The following LRRC36 variants were observed in gnomAD, a reference collection of about 807,000 sequenced individuals.
The protein encoded by LRRC36 is leucine-rich repeat-containing protein 36.
Under a neutral mutation model 81.1 loss-of-function variants are expected in LRRC36, and 62 were observed. The ratio of observed to expected loss-of-function variants is 0.76; its 90% CI spans 0.62 to 0.94. The LOEUF is 0.94. LRRC36 is among the 40% of genes least tolerant of loss of function. The probability of loss-of-function intolerance (pLI) is 0.00; values close to 1 mark genes in which losing one functional copy is unlikely to be tolerated. For missense variants in LRRC36, 761 were observed against 881.7 expected (o/e 0.86, Z 1.73); for synonymous variants, 334 against 348.6 (o/e 0.96, Z 0.47).
chr16:67,357,100 A>T (rs1342357473), intron 5 of LRRC36, among the ~76,000 whole-genome samples: 2 of 152,228 alleles, frequency 1.3e-5, no homozygotes, highest in African/African-American at 4.8e-5. Context: ...CAGATGAGGA[A>T]GCACAGATTG....
In LRRC36 at chr16:67,385,038, T is replaced by G; in HGVS notation, c.2214T>G (p.Gly738=). ...SSSSPVAHET[G]QYLIQSVLDA... is the part of the protein sequence containing the mutation. ...CCTCACCAGTGGCACATGAGACTGG[T>G]CAGTATCTAATACAGAGCGTCTTGG... The change falls in exon 14 of 14, where the codon GGT becomes GGG. Residue 738 remains glycine (G), a synonymous_variant. Coordinates refer to ENST00000329956, the MANE Select transcript of LRRC36 (RefSeq NM_018296.6). 6.2e-7 allele frequency: 1 copy of G among 1,614,162 alleles called. No individual in the cohort carries two copies. The highest frequency in any genetic ancestry group is 8.5e-7 in the Non-Finnish European group (1 of 1,180,032).
At chr16:67,327,094 G>A (rs1053646566) in intron 1 of LRRC36, 162 bp downstream of exon 1, 5 of 617,890 alleles carry the variant, frequency 8.1e-6, no homozygotes, top group Non-Finnish European at 1.3e-5. Flanking sequence ...CAGAAGGTTA[G>A]AGGGAGGTGG....
chr16:67,329,302 T>C (rs1361789542), intron 1 of LRRC36, among the ~76,000 whole-genome samples: 1 of 152,122 alleles, frequency 6.6e-6, no homozygotes, highest in Non-Finnish European at 1.5e-5. Flanking sequence ...GGTTTTGTTT[T>C]GTTTTTGAGA....
At chr16:67,375,497 C>T (rs2039857107) in intron 10 of LRRC36, 85 bp downstream of exon 10, 2 of 1,173,386 alleles carry the variant, frequency 1.7e-6, no homozygotes, top group African/African-American at 1.6e-5. Flanking sequence ...TAGCTCTCTT[C>T]ACTTGCAAGG....
chr16:67,342,687 C>T (rs1342480773), intron 2 of LRRC36, among the ~76,000 whole-genome samples: 3 of 152,184 alleles, frequency 2.0e-5, no homozygotes, highest in African/African-American at 7.2e-5. Context: ...TGTGCACACA[C>T]AGAGATGGAG....
At chr16:67,365,177 C>G in intron 6 of LRRC36, 127 bp from the exon 7 acceptor site, 1 of 619,164 alleles carries the variant, frequency 1.6e-6, no homozygotes, top group Non-Finnish European at 2.9e-6. Context: ...GCTTAAAGGT[C>G]TGTTTCCCTA....
At chr16:67,382,106 C>G (rs764020530) in intron 12 of LRRC36, 27 bp from the exon 13 acceptor site, 15 of 1,432,082 alleles carry the variant, frequency 1.0e-5, no homozygotes, top group South Asian at 1.2e-5. Flanking sequence ...GAATCCTTTT[C>G]ACCCCTGGCT....
intron 1 of LRRC36, among the ~76,000 whole-genome samples, chr16:67,338,865 A>ATTTTTTTTT (rs71145967): frequency 2.2e-5 from 1 of 45,404 alleles, no homozygotes; most frequent in African/African-American, 8.1e-5. Context: ...TGGAAGCTGA[A>ATTTTTTTTT]TTTTTTTTTT....
intron 1 of LRRC36, among the ~76,000 whole-genome samples, chr16:67,331,399 C>T (rs1439532023): frequency 6.6e-6 from 1 of 151,972 alleles, no homozygotes; most frequent in Non-Finnish European, 1.5e-5. Flanking sequence ...GTGGTGTGTA[C>T]CTGTAGTCCC....
In LRRC36 at chr16:67,382,233, C is replaced by G; in HGVS notation, c.2031C>G (p.Leu677=). The change falls in exon 13 of 14, where the codon CTC becomes CTG. Residue 677 remains leucine, a synonymous_variant. Transcript: ENST00000329956. ...AGCTGGAGAAGACAGTTGCCATTCT[C>G]CATGAAAGTCAGAGGTAGGAGAGGG... ...LKKLEKTVAI[L]HESQRSLVVT... 6.2e-7 allele frequency: 1 copy of G among 1,613,752 alleles called. No homozygotes were observed. Among genetic ancestry groups the G allele is most frequent in the Non-Finnish European group, 8.5e-7 (1 of 1,179,758 alleles).
chr16:67,338,662 A>G (rs949506748), intron 1 of LRRC36, among the ~76,000 whole-genome samples: 5 of 152,080 alleles, frequency 3.3e-5, no homozygotes, highest in Non-Finnish European at 7.4e-5. Context: ...AACGTTACAC[A>G]TTGGTCATTT....
At chr16:67,360,884 C>T (rs1425970679) in intron 5 of LRRC36, among the ~76,000 whole-genome samples, 1 of 152,182 alleles carries the variant, frequency 6.6e-6, no homozygotes. Flanking sequence ...TATCTTCTTA[C>T]ATAATCCTGC....
intron 5 of LRRC36, among the ~76,000 whole-genome samples, chr16:67,357,320 T>G (rs1318525465): frequency 1.3e-5 from 2 of 152,244 alleles, no homozygotes; most frequent in South Asian, 4.1e-4. Flanking sequence ...CCAATTTCCT[T>G]TAATAATTAT....
intron 5 of LRRC36, among the ~76,000 whole-genome samples, chr16:67,353,770 C>A (rs2038767640): frequency 6.6e-6 from 1 of 152,168 alleles, no homozygotes; most frequent in Non-Finnish European, 1.5e-5. Context: ...GGTGAGGAAA[C>A]TGATACCCAA....
chr16:67,363,483 C>A, intron 5 of LRRC36, 107 bp from the exon 6 acceptor site: 1 of 1,099,888 alleles, frequency 9.1e-7, no homozygotes, highest in Non-Finnish European at 1.3e-6. Context: ...GGCACCAGAA[C>A]TAGCACTCAA....
In LRRC36 at chr16:67,378,643, GA is replaced by G. The variant is rs778216070; in HGVS notation, c.1867del (p.Ile623PhefsTer13). 1 of 1,614,108 alleles carries G rather than the reference GA, an allele frequency of 6.2e-7. No individual in the cohort carries two copies. The highest frequency in any genetic ancestry group is 8.5e-7 in the Non-Finnish European group (1 of 1,179,968). On this transcript the variant is annotated frameshift_variant, in exon 12 of 14. Transcript: ENST00000329956. LOFTEE classifies it high-confidence loss of function. Reference protein sequence around the residue: ...RVLEENLILSEKIQQLEEGAA... With the variant: ...RVLEENLILSXKIQQLEEGAA... Reference sequence around the variant, plus strand: ...GCTGGAGGAAAACCTCATTTTGTCAGAAAAAATTCAACAGTTGGAGGAAGGT... The same window carrying G: ...GCTGGAGGAAAACCTCATTTTGTCAGAAAAATTCAACAGTTGGAGGAAGGT...
At chr16:67,353,100 C>T (rs1407657916) in intron 5 of LRRC36, among the ~76,000 whole-genome samples, 1 of 152,034 alleles carries the variant, frequency 6.6e-6, no homozygotes, top group Admixed American at 6.6e-5. Context: ...TTCTGTTGAC[C>T]AACTTGTAAT....
rs1044458847 is a variant in LRRC36, at chr16:67,330,980, T to C, written c.70+4048T>C. Among the ~76,000 whole-genome samples the C allele has an allele frequency of 4.0e-5, 6 of 151,512 alleles. No homozygotes were observed. The East Asian group carries it at 1.2e-3, about 29-fold the overall frequency. ...TGATTTGGCTCATGGTTCTGGAGGC[T>C]GAGAAGTCCAAGAGCATGGTGCCAA... On this transcript the variant is annotated intron_variant, in intron 1 of 13. Transcript: ENST00000329956.
chr16:67,378,802 T>C, intron 12 of LRRC36, 90 bp downstream of exon 12: 2 of 1,438,528 alleles, frequency 1.4e-6, no homozygotes, highest in Non-Finnish European at 1.9e-6. Context: ...TCATGCTAGC[T>C]CACGTGGCTG....
Sources: gnomAD v4.1 joint callset for allele counts (sites outside exome capture counted in the v4.1 genomes callset) on GRCh38, gnomAD v4.1.1 for gene constraint, MANE v1.5 for transcripts, NCBI Gene and HGNC (gene_info 2026-07-23, HGNC 2026-07-21) for gene names.